The following GRIA3 variants were observed in gnomAD, a reference collection of about 807,000 sequenced individuals.
The protein encoded by GRIA3 is glutamate receptor 3.
A neutral mutation model predicts 63.0 loss-of-function variants in GRIA3; 3 were observed. The observed-to-expected ratio is 0.05, with a 90% confidence interval of 0.02 to 0.12. GRIA3 has a LOEUF of 0.12. Ranked by LOEUF, GRIA3 falls within the 10% of genes least tolerant of loss-of-function variation. The pLI is 1.00. For synonymous variants in GRIA3, 274 were observed against 257.9 expected, an observed-to-expected ratio of 1.06 and a Z score of -0.60; for missense variants, 347 against 700.9, an observed-to-expected ratio of 0.50 and a Z score of 5.70.
intron 7 of GRIA3, among the ~76,000 whole-genome samples, chrX:123,401,140 A>G (rs2045441378): frequency 8.9e-6 from 1 of 111,830 alleles, no homozygotes; most frequent in African/African-American, 3.2e-5. Context: ...ATGCGGGGAA[A>G]CTGTCACTAA....
chrX:123,439,631 G>T (rs1175040682), intron 12 of GRIA3, among the ~76,000 whole-genome samples: 1 of 108,058 alleles, frequency 9.3e-6, no homozygotes, highest in African/African-American at 3.4e-5. Context: ...TACATATCCT[G>T]TCATTCTTGG....
intron 2 of GRIA3, chrX:123,202,858 C>A (rs150675965): frequency 1.0e-6 from 1 of 967,891 alleles, no homozygotes; most frequent in Non-Finnish European, 1.4e-6. Context: ...CCTGTTATGC[C>A]GCAAAGAAGA....
chrX:123,308,101 C>G (rs1045892027), intron 3 of GRIA3, among the ~76,000 whole-genome samples: 4 of 111,535 alleles, frequency 3.6e-5, no homozygotes, highest in African/African-American at 1.3e-4. Flanking sequence ...CCCTGCTAGC[C>G]CTACACTGTT....
At chrX:123,280,784 T>C (rs936388485) in intron 3 of GRIA3, among the ~76,000 whole-genome samples, 1 of 112,402 alleles carries the variant, frequency 8.9e-6, no homozygotes, top group East Asian at 2.8e-4. Flanking sequence ...AGGTTTATTG[T>C]GTATTGCCTC....
At chrX:123,451,505 TAAAAAAAAAAAAAAAA>T (rs56991039) in intron 12 of GRIA3, among the ~76,000 whole-genome samples, 13 of 16,191 alleles carry the variant, frequency 8.0e-4, no homozygotes, top group East Asian at 6.8e-3. Context: ...ACTCTGTCTC[TAAAAAAAAAAAAAAAA>T]AAAAAAAAAA....
At chrX:123,465,169 G>T in intron 13 of GRIA3, 57 bp downstream of exon 13, 1 of 1,083,481 alleles carries the variant, frequency 9.2e-7, no homozygotes. Context: ...CTACCCTGAT[G>T]CATTTTGTTG....
At chrX:123,371,771 T>C (rs1462055222) in intron 5 of GRIA3, among the ~76,000 whole-genome samples, 1 of 111,727 alleles carries the variant, frequency 9.0e-6, no homozygotes, top group Non-Finnish European at 1.9e-5. Flanking sequence ...ATGTTCTGAT[T>C]ATTAATCCCT....
At chrX:123,256,161 G>A (rs762372632) in intron 3 of GRIA3, among the ~76,000 whole-genome samples, 44 of 110,700 alleles carry the variant, frequency 4.0e-4, no homozygotes, top group Middle Eastern at 4.6e-3. Context: ...TTCAAAACCC[G>A]CCTCAAACTC....
At chrX:123,467,480 G>T (rs1174276033) in intron 13 of GRIA3, among the ~76,000 whole-genome samples, 1 of 112,224 alleles carries the variant, frequency 8.9e-6, no homozygotes, top group Non-Finnish European at 1.9e-5. Flanking sequence ...CCAAGCTTTT[G>T]GCTCATTTCA....
intron 2 of GRIA3, among the ~76,000 whole-genome samples, chrX:123,206,785 A>G (rs182302001): frequency 8.9e-6 from 1 of 111,983 alleles, no homozygotes; most frequent in Admixed American, 9.5e-5. Context: ...GAGAGATATT[A>G]TATGTGATGT....
intron 7 of GRIA3, among the ~76,000 whole-genome samples, chrX:123,400,157 C>T (rs539648280): frequency 6.3e-5 from 7 of 111,230 alleles, no homozygotes; most frequent in African/African-American, 2.3e-4. Context: ...ACACAAATAA[C>T]TACCTTCCCA....
chrX:123,480,952 C>G (rs1223186882), intron 14 of GRIA3, among the ~76,000 whole-genome samples: 1 of 111,555 alleles, frequency 9.0e-6, no homozygotes, highest in African/African-American at 3.3e-5. Flanking sequence ...TTTTGCCTTT[C>G]CTTTTTTTGG....
intron 2 of GRIA3, among the ~76,000 whole-genome samples, chrX:123,222,056 C>G (rs2044222387): frequency 9.0e-6 from 1 of 111,250 alleles, no homozygotes; most frequent in Non-Finnish European, 1.9e-5. Flanking sequence ...TTTCATTGGT[C>G]AATAAGGGGA....
chrX:123,463,768 GAGAA>G (rs1323460901), intron 12 of GRIA3, among the ~76,000 whole-genome samples: 20 of 94,327 alleles, frequency 2.1e-4, no homozygotes, highest in African/African-American at 3.1e-4. Flanking sequence ...AAAGAAAGAA[GAGAA>G]AGAAAGAAAA....
At chrX:123,250,917 C>A (rs917790249) in intron 2 of GRIA3, among the ~76,000 whole-genome samples, 1 of 111,944 alleles carries the variant, frequency 8.9e-6, no homozygotes, top group Non-Finnish European at 1.9e-5. Context: ...TCTTGTGGAG[C>A]AATGATTACT....
intron 4 of GRIA3, among the ~76,000 whole-genome samples, chrX:123,344,644 G>C (rs902681263): frequency 9.0e-6 from 1 of 111,472 alleles, no homozygotes; most frequent in Non-Finnish European, 1.9e-5. Context: ...TTGTCTCAGG[G>C]TCTGCCTTCA....
At chrX:123,253,230 G>T (rs1020834874) in intron 2 of GRIA3, 73 bp from the exon 3 acceptor site, 11 of 1,146,604 alleles carry the variant, frequency 9.6e-6, no homozygotes, top group Non-Finnish European at 1.3e-5. Flanking sequence ...ATTGTACATT[G>T]TATTTCTAAC....
At chrX:123,315,993 T>G (rs1234903442) in intron 3 of GRIA3, among the ~76,000 whole-genome samples, 1 of 84,855 alleles carries the variant, frequency 1.2e-5, no homozygotes, top group Non-Finnish European at 2.3e-5. Context: ...CTGGGCAACA[T>G]AGCAAGACCC....
chrX:123,206,315 G>A (rs1020128793), intron 2 of GRIA3, among the ~76,000 whole-genome samples: 8 of 111,463 alleles, frequency 7.2e-5, no homozygotes, highest in East Asian at 5.6e-4. Flanking sequence ...CCTCTGACCC[G>A]GCAAAGTTTC....
Sources: allele counts gnomAD v4.1 joint callset (sites outside exome capture counted in the v4.1 genomes callset), GRCh38; gene constraint gnomAD v4.1.1; transcripts MANE v1.5; gene names NCBI Gene and HGNC (gene_info 2026-07-23, HGNC 2026-07-21).